Variants in GRIN3A observed in about 807,000 individuals in gnomAD.
The protein encoded by GRIN3A is glutamate receptor ionotropic, NMDA 3A.
In GRIN3A, 47 loss-of-function variants were observed where a neutral mutation model predicts 92.4. The ratio of observed to expected loss-of-function variants is 0.51; its 90% confidence interval spans 0.40 to 0.65. GRIN3A has a LOEUF of 0.65. Among genes scored for constraint, GRIN3A ranks in the 30% least tolerant of loss-of-function variants. GRIN3A has a pLI of 0.00. For missense variants in GRIN3A, 1,324 were observed against 1,393.1 expected (o/e 0.95, Z 0.79); for synonymous variants, 527 against 540.6 (o/e 0.97, Z 0.35).
Position 101,577,818 on chromosome 9 carries a change from T to G in GRIN3A, c.2958A>C (p.Ser986=), listed in dbSNP as rs1458297774. ...SQRLHRAINT[S]FIEEKQQHFK... is the part of the protein sequence containing the mutation. ...AATGCTGCTGCTTTTCCTCTATAAA[T>G]GATGTATTTATTGCTCTGTGTAATC... The change falls in exon 8 of 9, where the codon TCA becomes TCC. Residue 986 remains serine (S), a synonymous_variant. Coordinates refer to ENST00000361820, the MANE Select transcript of GRIN3A (RefSeq NM_133445.3). The G allele has an allele frequency of 6.2e-7, 1 of 1,612,828 alleles. No individual in the cohort carries two copies. Among genetic ancestry groups the G allele is most frequent in the East Asian group, 2.2e-5 (1 of 44,818 alleles).
At chr9:101,735,677 T>G (rs1216744570) in intron 1 of GRIN3A, among the ~76,000 whole-genome samples, 1 of 151,932 alleles carries the variant, frequency 6.6e-6, no homozygotes, top group Non-Finnish European at 1.5e-5. Flanking sequence ...AAGCAAGTGA[T>G]GCTGACTCCT....
rs551101815 is a variant in GRIN3A, at chr9:101,734,865, A to G, written c.699+2416T>C. 3.9e-5 allele frequency among the ~76,000 whole-genome samples: 6 copies of G among 152,120 alleles called. No homozygotes were observed. In the South Asian group the frequency reaches 1.2e-3, roughly 32 times the overall value. On this transcript the variant is annotated intron_variant, in intron 1 of 8. Coordinates refer to ENST00000361820, the MANE Select transcript of GRIN3A (RefSeq NM_133445.3). ...TCCTTTATTCAGGGAGTGGCACACAACCAACAAATTAGGTCACTGGGCAGT... is the reference window on the plus strand; with the variant it reads ...TCCTTTATTCAGGGAGTGGCACACAGCCAACAAATTAGGTCACTGGGCAGT...
chr9:101,654,717 A>G (rs964328799), intron 3 of GRIN3A, among the ~76,000 whole-genome samples: 1 of 151,678 alleles, frequency 6.6e-6, no homozygotes, highest in African/African-American at 2.4e-5. Flanking sequence ...TTCTTCCTCA[A>G]GGAGGCTTTC....
chr9:101,595,727 T>C (rs924442741), intron 6 of GRIN3A, among the ~76,000 whole-genome samples: 8 of 152,212 alleles, frequency 5.3e-5, no homozygotes, highest in Admixed American at 3.9e-4. Context: ...TTTTTCAAGA[T>C]GACACAGGTC....
chr9:101,685,748 A>T (rs1477518858), intron 2 of GRIN3A, among the ~76,000 whole-genome samples: 9 of 150,962 alleles, frequency 6.0e-5, no homozygotes, highest in African/African-American at 1.9e-4. Flanking sequence ...ATAATATTTT[A>T]TATATATATA....
At chr9:101,576,882 G>T (rs1011443514) in intron 8 of GRIN3A, among the ~76,000 whole-genome samples, 1 of 152,150 alleles carries the variant, frequency 6.6e-6, no homozygotes, top group Non-Finnish European at 1.5e-5. Flanking sequence ...CAAACAAAAA[G>T]AATCCTGTTT....
chr9:101,669,114 T>G (rs563755533), intron 3 of GRIN3A, among the ~76,000 whole-genome samples: 33 of 152,236 alleles, frequency 2.2e-4, no homozygotes, highest in Non-Finnish European at 4.1e-4. Context: ...GTATCCTACA[T>G]GTTGGAATGC....
intron 5 of GRIN3A, among the ~76,000 whole-genome samples, chr9:101,619,771 C>T (rs1015306997): frequency 2.4e-4 from 37 of 152,192 alleles, no homozygotes; most frequent in African/African-American, 8.2e-4. Context: ...TGTGCAGTTA[C>T]GTTACTCTTT....
intron 5 of GRIN3A, among the ~76,000 whole-genome samples, chr9:101,622,063 C>T (rs1200095464): frequency 6.6e-6 from 1 of 152,178 alleles, no homozygotes; most frequent in Non-Finnish European, 1.5e-5. Flanking sequence ...TTTCTGAGTT[C>T]CATCCCTGCT....
At chr9:101,717,753 G>A (rs1829965223) in intron 1 of GRIN3A, among the ~76,000 whole-genome samples, 1 of 152,164 alleles carries the variant, frequency 6.6e-6, no homozygotes, top group South Asian at 2.1e-4. Context: ...CAGAAGAGGT[G>A]AATGAGGAGT....
intron 1 of GRIN3A, among the ~76,000 whole-genome samples, chr9:101,689,918 G>A (rs1348744247): frequency 6.6e-6 from 1 of 152,148 alleles, no homozygotes. Flanking sequence ...GTTTGCAAAA[G>A]AGCAAGCTCA....
intron 6 of GRIN3A, among the ~76,000 whole-genome samples, chr9:101,597,313 C>T (rs529669757): frequency 4.0e-5 from 6 of 151,608 alleles, no homozygotes; most frequent in East Asian, 3.9e-4. Flanking sequence ...TGGAGCTGGT[C>T]GGGGGGAAGT....
At chr9:101,609,960 A>G (rs1047961621) in intron 6 of GRIN3A, among the ~76,000 whole-genome samples, 1 of 152,216 alleles carries the variant, frequency 6.6e-6, no homozygotes, top group Admixed American at 6.5e-5. Flanking sequence ...TGGCCTCCCA[A>G]AGCACTGGAA....
intron 3 of GRIN3A, among the ~76,000 whole-genome samples, chr9:101,641,924 T>C (rs1328176258): frequency 1.3e-5 from 2 of 152,302 alleles, no homozygotes; most frequent in East Asian, 1.9e-4. Flanking sequence ...AGCTATTTGA[T>C]TGTTTGATAA....
intron 3 of GRIN3A, among the ~76,000 whole-genome samples, chr9:101,643,654 GTCTCTCTCTCTC>G (rs74810886): frequency 3.4e-5 from 5 of 147,136 alleles, no homozygotes; most frequent in South Asian, 2.2e-4. Context: ...CAACCTAAAT[GTCTCTCTCTCTC>G]TCTCTCTCTC....
At chr9:101,595,947 C>T (rs1828122507) in intron 6 of GRIN3A, among the ~76,000 whole-genome samples, 1 of 152,188 alleles carries the variant, frequency 6.6e-6, no homozygotes, top group African/African-American at 2.4e-5. Context: ...TAGATTTGTT[C>T]TTTCTGTTGA....
At chr9:101,724,220 G>A (rs1830053820) in intron 1 of GRIN3A, among the ~76,000 whole-genome samples, 1 of 152,216 alleles carries the variant, frequency 6.6e-6, no homozygotes, top group South Asian at 2.1e-4. Flanking sequence ...GGGTGTGGGA[G>A]GCTCAGGCAT....
intron 6 of GRIN3A, among the ~76,000 whole-genome samples, chr9:101,590,563 G>A (rs1315461260): frequency 2.6e-5 from 4 of 151,840 alleles, no homozygotes; most frequent in Non-Finnish European, 5.9e-5. Context: ...TGTATTTTTA[G>A]TAGAGATGGG....
At chr9:101,596,867 A>G (rs757850109) in intron 6 of GRIN3A, among the ~76,000 whole-genome samples, 6 of 152,214 alleles carry the variant, frequency 3.9e-5, no homozygotes, top group Non-Finnish European at 8.8e-5. Flanking sequence ...ATTGGAACCA[A>G]CGCCTCAGGA....
Sources: gnomAD v4.1 joint callset for allele counts (sites outside exome capture counted in the v4.1 genomes callset) on GRCh38, gnomAD v4.1.1 for gene constraint, MANE v1.5 for transcripts, NCBI Gene and HGNC (gene_info 2026-07-23, HGNC 2026-07-21) for gene names.